Variants in TENM1 observed in about 807,000 individuals in gnomAD.
The protein encoded by TENM1 is teneurin transmembrane protein 1.
In TENM1, 35 loss-of-function variants were observed where a neutral mutation model predicts 174.8. The ratio of observed to expected loss-of-function variants is 0.20; its 90% CI spans 0.15 to 0.27. TENM1 has a LOEUF of 0.27. Ranked by LOEUF, TENM1 falls within the 10% of genes least tolerant of loss-of-function variation. The pLI is 1.00. For missense variants in TENM1, 1,633 were observed against 2,130.1 expected, an observed-to-expected ratio of 0.77 and a Z score of 4.59; for synonymous variants, 781 against 798.7, an observed-to-expected ratio of 0.98 and a Z score of 0.37.
At chrX:124,629,228 A>G (rs2050704600) in intron 11 of TENM1, among the ~76,000 whole-genome samples, 1 of 112,597 alleles carries the variant, frequency 8.9e-6, no homozygotes, top group Non-Finnish European at 1.9e-5. Flanking sequence ...CATGGCTCAA[A>G]GTAAAGGTAG....
At chrX:125,085,882 G>A in the TENM1 span, among the ~76,000 whole-genome samples, 1 of 110,384 alleles carries the variant, frequency 9.1e-6, no homozygotes, top group Non-Finnish European at 1.9e-5. Flanking sequence ...TTTCTTTTGT[G>A]ATTTTTTTTC....
At chrX:124,901,658 T>C (rs1485272894) in intron 1 of TENM1, among the ~76,000 whole-genome samples, 1 of 110,858 alleles carries the variant, frequency 9.0e-6, no homozygotes, top group Non-Finnish European at 1.9e-5. Context: ...TAAAATTATT[T>C]GTAGAGAAGA....
At chrX:124,961,146 T>C (rs1002172073) in intron 1 of TENM1, among the ~76,000 whole-genome samples, 1 of 112,260 alleles carries the variant, frequency 8.9e-6, no homozygotes, top group Non-Finnish European at 1.9e-5. Context: ...TTTGTAATAA[T>C]TGCATTTGAC....
At chrX:125,166,564 A>T in the TENM1 span, among the ~76,000 whole-genome samples, 1 of 111,772 alleles carries the variant, frequency 8.9e-6, no homozygotes, top group African/African-American at 3.2e-5. Context: ...TCAAATTTTA[A>T]ATTTAATCTT....
At chrX:124,988,922 A>C in the TENM1 span, among the ~76,000 whole-genome samples, 1 of 112,099 alleles carries the variant, frequency 8.9e-6, no homozygotes, top group African/African-American at 3.2e-5. Context: ...TTAACCTGTA[A>C]AGGCTATTTA....
the TENM1 span, among the ~76,000 whole-genome samples, chrX:125,064,670 T>C: frequency 9.0e-6 from 1 of 111,149 alleles, no homozygotes; most frequent in Non-Finnish European, 1.9e-5. Context: ...ACCATAGACA[T>C]CTTTTTTTTT....
At chrX:125,156,309 G>T in the TENM1 span, among the ~76,000 whole-genome samples, 1 of 111,417 alleles carries the variant, frequency 9.0e-6, no homozygotes, top group Non-Finnish European at 1.9e-5. Context: ...TTTGTTATAT[G>T]AGTAAATTGT....
chrX:124,923,246 G>T (rs1390034931), intron 1 of TENM1, among the ~76,000 whole-genome samples: 2 of 110,866 alleles, frequency 1.8e-5, no homozygotes, highest in African/African-American at 6.5e-5. Context: ...AATGCTTTTG[G>T]CCTTAAATTC....
At chrX:124,805,501 G>T (rs1346083446) in intron 3 of TENM1, among the ~76,000 whole-genome samples, 1 of 112,892 alleles carries the variant, frequency 8.9e-6, no homozygotes, top group Admixed American at 9.3e-5. Flanking sequence ...GAGGAATGAA[G>T]TATCTATGGA....
At chrX:124,705,242 C>A (rs759058812) in exon 5 of TENM1, 1 of 1,177,885 alleles carries the variant, frequency 8.5e-7, no homozygotes, top group Non-Finnish European at 1.1e-6. Flanking sequence ...CATGTTTGAA[C>A]AGGAAATGCC....
intron 1 of TENM1, among the ~76,000 whole-genome samples, chrX:124,908,340 A>G (rs960351355): frequency 3.6e-5 from 4 of 110,413 alleles, no homozygotes; most frequent in African/African-American, 1.3e-4. Context: ...ACCTCCTGAC[A>G]GGCCCCAGTG....
At chrX:124,838,586 A>G (rs1206356331) in intron 3 of TENM1, among the ~76,000 whole-genome samples, 1 of 111,154 alleles carries the variant, frequency 9.0e-6, no homozygotes, top group Non-Finnish European at 1.9e-5. Context: ...AAAGTGATGC[A>G]ATTAAAAGAG....
At chrX:124,584,693 C>T (rs5958536) in intron 11 of TENM1, among the ~76,000 whole-genome samples, 31,659 of 109,410 alleles carry the variant, frequency 0.29, 3,831 homozygotes, top group African/African-American at 0.44. Flanking sequence ...CAATATTAAC[C>T]TTAAATGTAA....
intron 20 of TENM1, 82 bp from the exon 24 acceptor site, chrX:124,487,311 C>T: frequency 1.1e-6 from 1 of 879,218 alleles, no homozygotes; most frequent in Non-Finnish European, 1.6e-6. Flanking sequence ...CAAACCTAAC[C>T]AGACACACCA....
chrX:124,651,921 T>C (rs1275375205), exon 8 of TENM1: 16 of 1,205,656 alleles, frequency 1.3e-5, no homozygotes, highest in African/African-American at 1.8e-5. Flanking sequence ...TACCAATTGC[T>C]GTAGTTAACA....
chrX:124,821,875 G>A (rs963449247), intron 3 of TENM1, among the ~76,000 whole-genome samples: 2 of 112,198 alleles, frequency 1.8e-5, no homozygotes, highest in African/African-American at 6.5e-5. Flanking sequence ...TTGTACAGTA[G>A]AAAATTCACT....
At chrX:125,103,096 T>C in the TENM1 span, among the ~76,000 whole-genome samples, 1 of 112,395 alleles carries the variant, frequency 8.9e-6, no homozygotes, top group Admixed American at 9.4e-5. Context: ...AAACTTGACA[T>C]TGCAAATATA....
At chrX:125,055,052 A>G in the TENM1 span, among the ~76,000 whole-genome samples, 2 of 111,935 alleles carry the variant, frequency 1.8e-5, no homozygotes, top group Non-Finnish European at 3.8e-5. Context: ...AAATTGTAAA[A>G]GTCTTATTTC....
chrX:124,966,683 A>G (rs1677851184), upstream of TENM1, among the ~76,000 whole-genome samples: 2 of 110,708 alleles, frequency 1.8e-5, no homozygotes, highest in African/African-American at 6.5e-5. Context: ...AAAACCAAAA[A>G]ATGGTACGTC....
Sources: gnomAD v4.1 joint callset for allele counts (sites outside exome capture counted in the v4.1 genomes callset) on GRCh38, gnomAD v4.1.1 for gene constraint, MANE v1.5 for transcripts, NCBI Gene and HGNC (gene_info 2026-07-23, HGNC 2026-07-21) for gene names.